Variants in KLC3 observed in about 807,000 individuals in gnomAD.
KLC3 encodes the protein kinesin light chain 3, also known as kinesin light chain 2.
In KLC3, 72 loss-of-function variants were observed where a neutral mutation model predicts 62.9. The observed-to-expected ratio is 1.15, with a 90% CI of 0.95 to 1.39. The LOEUF (loss-of-function observed/expected upper bound fraction) is 1.39, where lower values mean the gene tolerates loss of function less well. KLC3 is among the 40% of genes most tolerant of loss of function. KLC3 has a pLI of 0.00. For synonymous variants in KLC3, 377 were observed against 300.5 expected (o/e 1.25, Z -2.63); for missense variants, 848 against 691.6 (o/e 1.23, Z -2.54).
intron 5 of KLC3, 44 bp downstream of exon 5, chr19:45,348,204 GA>G (rs1303560265): frequency 1.3e-6 from 2 of 1,504,458 alleles, no homozygotes; most frequent in Non-Finnish European, 1.8e-6. Context: ...GAACGGCAGG[GA>G]CCCATTGGGT....
chr19:45,347,933 C>T lies in KLC3; in HGVS notation c.560-8C>T, dbSNP rs1292415877. 1.3e-6 allele frequency: 2 copies of T among 1,593,560 alleles called. No homozygotes were observed. Among genetic ancestry groups the T allele is most frequent in the Non-Finnish European group, 1.7e-6 (2 of 1,169,026 alleles). On this transcript the variant is annotated splice_region_variant and splice_polypyrimidine_tract_variant and intron_variant, in intron 4 of 12. Transcript: ENST00000391946. The stretch of plus-strand genomic sequence containing the variant: ...GCAGTGACCCAGAGCCCACCCCACC[C>T]CACCTAGGTCCTGAGGCCGCAGGAG...
rs755541360 is a variant in KLC3 at position 45,346,442 on chromosome 19, A to G, written c.259-102A>G. ...TCTGCAGAATCTGGGGGTGTCGTGC[A>G]TAGTAGTGGGGTGCTACGGCCTGAC... On this transcript the variant is annotated intron_variant, in intron 2 of 12. Transcript: ENST00000391946. 14 of 959,044 alleles carry G rather than the reference A, an allele frequency of 1.5e-5. No individual in the cohort carries two copies. The African/African-American group carries it at 1.6e-4, about 11-fold the overall frequency. The allele number at this position is 959,044 out of a possible 1,614,324, so 59.4% of individuals were successfully genotyped here.
intron 3 of KLC3, 182 bp from the exon 4 acceptor site, chr19:45,347,265 C>G (rs1007668555): frequency 1.8e-6 from 1 of 561,640 alleles, no homozygotes; most frequent in Non-Finnish European, 3.2e-6. Flanking sequence ...TGGCTTGAAC[C>G]CAGGAGGTGG....
At chr19:45,347,418 C>T (rs55936510) in intron 3 of KLC3, 29 bp from the exon 4 acceptor site, 5 of 1,592,324 alleles carry the variant, frequency 3.1e-6, no homozygotes, top group Non-Finnish European at 1.7e-6. Flanking sequence ...CCCCCACCAC[C>T]CCGGCCCCCC....
At position 45,351,400 on chromosome 19, in the gene KLC3, C is replaced by T. The variant is rs1294126753; in HGVS notation, c.*43C>T. ...TGGCCGCAGCTTCTTGGGAACAGTG[C>T]AGGAGGGATGGGCTGGTGGGGTGAG... On this transcript the variant is annotated 3_prime_UTR_variant, in exon 13 of 13. Transcript: ENST00000391946. 2 of 1,602,782 alleles carry T rather than the reference C, an allele frequency of 1.2e-6. No individual in the cohort carries two copies. The highest frequency in any genetic ancestry group is 1.3e-5 in the African/African-American group (1 of 74,972).
chr19:45,347,522 T>C lies in KLC3; in HGVS notation c.559+6T>C. On this transcript the variant is annotated splice_donor_region_variant and intron_variant, in intron 4 of 12. Coordinates refer to ENST00000391946, the MANE Select transcript of KLC3 (RefSeq NM_177417.3). Reference sequence around the variant, plus strand: ...CGAGGAGGAGGAGAGGAAAGGTGGGTGTTGGGAGTACATGCCACAGAGGAT... The same window carrying C: ...CGAGGAGGAGGAGAGGAAAGGTGGGCGTTGGGAGTACATGCCACAGAGGAT... The C allele has an allele frequency of 6.2e-7, 1 of 1,605,520 alleles. No homozygotes were observed. The highest frequency in any genetic ancestry group is 1.7e-4 in the Middle Eastern group (1 of 6,020).
intron 1 of KLC3, among the ~76,000 whole-genome samples, chr19:45,341,186 T>TTGTGTGTGTG (rs113240301): frequency 5.5e-4 from 62 of 111,922 alleles, no homozygotes; most frequent in African/African-American, 2.3e-3. Flanking sequence ...CTGCCTGTGT[T>TTGTGTGTGTG]TGTGTGTGTG....
chr19:45,347,402 A>C (rs748261550), intron 3 of KLC3, 45 bp from the exon 4 acceptor site: 1 of 1,498,984 alleles, frequency 6.7e-7, no homozygotes, highest in South Asian at 1.2e-5. Flanking sequence ...CGGTCTCTGA[A>C]ACAAGCCCCC....
At position 45,348,046 on chromosome 19, in the gene KLC3, G is replaced by A. The variant is rs777118881; in HGVS notation, c.665G>A (p.Arg222His). The change falls in exon 5 of 13, where the codon CGC becomes CAC. Residue 222 changes from arginine (R) to histidine (H), a missense_variant. By Grantham distance (29) the Arg-to-His change is conservative (BLOSUM62 0). Coordinates refer to ENST00000391946, the MANE Select transcript of KLC3 (RefSeq NM_177417.3). ...GTGATCCAGTACGCGGGGCAGGGCC[G>A]CTATGAGGTGGCGGTGCCTCTGTGC... ...NLVIQYAGQG[R>H]YEVAVPLCRQ... 30 of 1,603,926 alleles carry A rather than the reference G, an allele frequency of 1.9e-5. No individual in the cohort carries two copies. Among genetic ancestry groups the A allele is most frequent in the South Asian group, 1.3e-4 (12 of 89,386 alleles).
chr19:45,351,182 G>A (rs1026749883), intron 12 of KLC3, 104 bp from the exon 13 acceptor site: 26 of 1,585,170 alleles, frequency 1.6e-5, no homozygotes, highest in Admixed American at 5.1e-5. Context: ...GGGTAGAGGC[G>A]AGGGGGTTGG....
chr19:45,340,775 G>C lies in KLC3; in HGVS notation c.-80G>C, dbSNP rs1450914699. 1 of 152,060 alleles carries C rather than the reference G, an allele frequency of 6.6e-6. No homozygotes were observed. Among genetic ancestry groups the C allele is most frequent in the Non-Finnish European group, 1.5e-5 (1 of 67,972 alleles). The allele number at this position is 152,060 out of a possible 1,614,324, so 9.4% of individuals were successfully genotyped here. A position where few individuals can be genotyped will look rare whatever the true frequency, so the allele number is the denominator to read the frequency against. Reference sequence around the variant, plus strand: ...AGACGCCCGGCGCAGCGGGAGCGGCGGGGCGTGCCTGGCCTGCGGGACGCG... The same window carrying C: ...AGACGCCCGGCGCAGCGGGAGCGGCCGGGCGTGCCTGGCCTGCGGGACGCG... On this transcript the variant is annotated 5_prime_UTR_variant, in exon 1 of 13. Transcript: ENST00000391946.
intron 8 of KLC3, 61 bp from the exon 9 acceptor site, chr19:45,350,280 G>A: frequency 2.3e-6 from 3 of 1,281,072 alleles, no homozygotes; most frequent in Non-Finnish European, 2.2e-6. Context: ...AAAAAGGCGG[G>A]ACTGGATGCA....
intron 11 of KLC3, 30 bp downstream of exon 11, chr19:45,350,777 C>G: frequency 1.3e-6 from 2 of 1,581,546 alleles, no homozygotes; most frequent in Middle Eastern, 3.4e-4. Flanking sequence ...GCAAAGAGCC[C>G]TGACATCAGC....
rs1162168169 is a variant in KLC3, at chr19:45,351,467, C to T, written c.*110C>T. ...CCTGGCCCCCCCTTGCCTCTGGGTA[C>T]CTGGTGGATAGCTGCCTTCTCCTGC... On this transcript the variant is annotated 3_prime_UTR_variant, in exon 13 of 13. Transcript: ENST00000391946. 1 of 1,583,832 alleles carries T rather than the reference C, an allele frequency of 6.3e-7. No individual in the cohort carries two copies. Among genetic ancestry groups the T allele is most frequent in the African/African-American group, 1.3e-5 (1 of 74,558 alleles).
Position 45,348,726 on chromosome 19 carries a change from A to C in KLC3, c.860A>C (p.His287Pro). Residue 287 changes from histidine (H) to proline (P), a missense_variant, in exon 6 of 13, where the codon CAC becomes CCC. His to Pro is a moderately conservative substitution (Grantham distance 77). Coordinates refer to ENST00000391946, the MANE Select transcript of KLC3 (RefSeq NM_177417.3). Reference sequence around the variant, plus strand: ...CGGGAGCAGACGCTGGGCCCTGAGCACCCCGCGGTGAGTGGGGCCCCAGGG... The same window carrying C: ...CGGGAGCAGACGCTGGGCCCTGAGCCCCCCGCGGTGAGTGGGGCCCCAGGG... ...QIREQTLGPE[H>P]PAVAATLNNL... The C allele has an allele frequency of 6.3e-7, 1 of 1,587,574 alleles. No individual in the cohort carries two copies. Among genetic ancestry groups the C allele is most frequent in the East Asian group, 2.3e-5 (1 of 43,330 alleles).
intron 8 of KLC3, chr19:45,349,882 C>T: frequency 2.1e-6 from 1 of 481,862 alleles, no homozygotes; most frequent in Non-Finnish European, 3.7e-6. Context: ...CGGCTCCCCT[C>T]TTAGCCCGGT....
intron 6 of KLC3, 36 bp from the exon 7 acceptor site, chr19:45,348,784 G>A: frequency 2.6e-6 from 4 of 1,562,278 alleles, no homozygotes; most frequent in Non-Finnish European, 3.5e-6. Context: ...GGCCACACCT[G>A]CCCATCCCTG....
Position 45,351,359 on chromosome 19 carries a change from G to A in KLC3, c.*2G>A, listed in dbSNP as rs375278097. 42 of 1,610,382 alleles carry A rather than the reference G, an allele frequency of 2.6e-5. No homozygotes were observed. The highest frequency in any genetic ancestry group is 6.6e-5 in the South Asian group (6 of 91,078). ...ACCCAGGACCTGAGCCCCCACTAAC[G>A]TCCAGTGAACTGCGCTGGCCGCAGC... On this transcript the variant is annotated 3_prime_UTR_variant, in exon 13 of 13. Coordinates refer to ENST00000391946, the MANE Select transcript of KLC3 (RefSeq NM_177417.3).
Position 45,351,371 on chromosome 19 carries a change from G to T in KLC3, c.*14G>T. The T allele has an allele frequency of 6.2e-7, 1 of 1,608,978 alleles. No individual in the cohort carries two copies. ...AGCCCCCACTAACGTCCAGTGAACTGCGCTGGCCGCAGCTTCTTGGGAACA... is the reference window on the plus strand; with the variant it reads ...AGCCCCCACTAACGTCCAGTGAACTTCGCTGGCCGCAGCTTCTTGGGAACA... On this transcript the variant is annotated 3_prime_UTR_variant, in exon 13 of 13. Coordinates refer to ENST00000391946, the MANE Select transcript of KLC3 (RefSeq NM_177417.3).
Sources: gnomAD v4.1 joint callset for allele counts (sites outside exome capture counted in the v4.1 genomes callset) on GRCh38, gnomAD v4.1.1 for gene constraint, MANE v1.5 for transcripts, NCBI Gene and HGNC (gene_info 2026-07-23, HGNC 2026-07-21) for gene names.